Variants in MMP26 observed in about 807,000 individuals in gnomAD.
MMP26 encodes matrix metalloproteinase-26.
In MMP26, 33 loss-of-function variants were observed where a neutral mutation model predicts 31.0. The observed-to-expected ratio is 1.06, with a 90% CI of 0.81 to 1.42. MMP26 has a LOEUF of 1.42. MMP26 is among the 40% of genes most tolerant of loss of function. The pLI is 0.00. For synonymous variants in MMP26, 122 were observed against 114.9 expected, an observed-to-expected ratio of 1.06 and a Z score of -0.40; for missense variants, 347 against 316.1, an observed-to-expected ratio of 1.10 and a Z score of -0.74.
intron 2 of MMP26, among the ~76,000 whole-genome samples, chr11:4,839,833 T>C (rs1271199187): frequency 2.0e-5 from 3 of 151,772 alleles, no homozygotes; most frequent in African/African-American, 7.3e-5. Context: ...TCTTGCACCG[T>C]AGGTACCAGC....
chr11:4,919,568 C>G (rs1851151179), intron 2 of MMP26, among the ~76,000 whole-genome samples: 1 of 152,092 alleles, frequency 6.6e-6, no homozygotes, highest in Non-Finnish European at 1.5e-5. Context: ...TGCCATGTAC[C>G]AGCCACTGGT....
At chr11:4,848,372 G>A in intron 2 of MMP26, 1 of 1,614,090 alleles carries the variant, frequency 6.2e-7, no homozygotes, top group Non-Finnish European at 8.5e-7. Context: ...GAAGAGTATG[G>A]GTATGCTGAG....
At chr11:4,915,224 C>T (rs757898693) in intron 2 of MMP26, 1 of 1,613,808 alleles carries the variant, frequency 6.2e-7, no homozygotes, top group South Asian at 1.1e-5. Flanking sequence ...GCCAATCCTG[C>T]CAATGACTGT....
At chr11:4,787,004 T>C (rs918337224) in intron 2 of MMP26, 2 of 153,040 alleles carry the variant, frequency 1.3e-5, no homozygotes, top group East Asian at 1.9e-4. Context: ...CCCACGACCC[T>C]CAGTGTCCTC....
intron 2 of MMP26, among the ~76,000 whole-genome samples, chr11:4,874,565 G>GGTGTATGT (rs1554888276): frequency 1.3e-5 from 2 of 149,052 alleles, no homozygotes; most frequent in Non-Finnish European, 3.0e-5. Context: ...GTGGTGTGTT[G>GGTGTATGT]GTGTGTGTGT....
intron 2 of MMP26, among the ~76,000 whole-genome samples, chr11:4,903,384 C>G (rs1002016349): frequency 6.6e-6 from 1 of 152,046 alleles, no homozygotes; most frequent in African/African-American, 2.4e-5. Flanking sequence ...ATATTTGATA[C>G]TTATAGATTA....
chr11:4,753,480 ATGAGAATAAGGGGGTATTT>A (rs1564901535), intron 1 of MMP26, among the ~76,000 whole-genome samples: 1 of 152,136 alleles, frequency 6.6e-6, no homozygotes, highest in African/African-American at 2.4e-5. Flanking sequence ...CAACTGGATT[ATGAGAATAAGGGGGTATTT>A]TGGACTAATC....
intron 2 of MMP26, among the ~76,000 whole-genome samples, chr11:4,969,490 A>C (rs1370437327): frequency 6.6e-6 from 1 of 152,046 alleles, no homozygotes; most frequent in Non-Finnish European, 1.5e-5. Context: ...CCATTATCTC[A>C]TATCTCAAGT....
chr11:4,819,566 A>ATTTTTTTTTT lies in MMP26; in HGVS notation c.-145+52246_-145+52255dup, dbSNP rs71050433. 3.9e-3 allele frequency among the ~76,000 whole-genome samples: 197 copies of ATTTTTTTTTT among 50,302 alleles called. 21 individuals are homozygous for ATTTTTTTTTT. Among genetic ancestry groups the ATTTTTTTTTT allele is most frequent in the Non-Finnish European group, 5.2e-3 (157 of 30,264 alleles). 33.0% of individuals were successfully genotyped at this position (50,302 alleles called of 152,430 possible). A position where few individuals can be genotyped will look rare whatever the true frequency, so the allele number is the denominator to read the frequency against. The stretch of plus-strand genomic sequence containing the variant: ...GATGGTCACTGAAATGAGTCGACTG[A>ATTTTTTTTTT]TTTTTTTTTTTTTTTTTTTTTTTTT... On this transcript the variant is annotated intron_variant, in intron 2 of 7. Transcript: ENST00000380390.
chr11:4,913,450 C>G, intron 2 of MMP26: 1 of 152,170 alleles, frequency 6.6e-6, no homozygotes, highest in African/African-American at 2.4e-5. Flanking sequence ...TTCGAAGCTC[C>G]CCTTGGCAAT....
intron 1 of MMP26, among the ~76,000 whole-genome samples, chr11:4,706,657 A>AAT (rs1847785040): frequency 6.6e-6 from 1 of 152,038 alleles, no homozygotes; most frequent in African/African-American, 2.4e-5. Flanking sequence ...TCTAACTTTT[A>AAT]ATAGCACAAT....
chr11:4,874,527 A>T (rs1357796946), intron 2 of MMP26, among the ~76,000 whole-genome samples: 1 of 151,408 alleles, frequency 6.6e-6, no homozygotes, highest in Non-Finnish European at 1.5e-5. Flanking sequence ...CTTAATTTTT[A>T]TGCAGAACTT....
chr11:4,761,041 C>T (rs540904812), intron 1 of MMP26, among the ~76,000 whole-genome samples: 20 of 152,198 alleles, frequency 1.3e-4, no homozygotes, highest in African/African-American at 4.8e-4. Context: ...GTGAACAAAA[C>T]AGTGGAGGGT....
intron 2 of MMP26, among the ~76,000 whole-genome samples, chr11:4,780,507 T>C (rs1224466420): frequency 1.3e-5 from 2 of 152,208 alleles, no homozygotes; most frequent in African/African-American, 4.8e-5. Context: ...TCTGTTTTTT[T>C]CTCAAGATTA....
At chr11:4,752,382 C>T (rs1013815055) in intron 1 of MMP26, 4 of 152,552 alleles carry the variant, frequency 2.6e-5, no homozygotes, top group Admixed American at 6.5e-5. Context: ...TGCACTTAAT[C>T]GTAGTGCACT....
intron 1 of MMP26, among the ~76,000 whole-genome samples, chr11:4,726,410 C>T (rs1467069258): frequency 6.6e-6 from 1 of 151,614 alleles, no homozygotes; most frequent in Non-Finnish European, 1.5e-5. Context: ...TGAAATGAGC[C>T]GAGATCACGC....
intron 2 of MMP26, among the ~76,000 whole-genome samples, chr11:4,974,849 C>T (rs1168815851): frequency 6.6e-6 from 1 of 152,036 alleles, no homozygotes; most frequent in African/African-American, 2.4e-5. Context: ...CAAACTGACA[C>T]AGGAACAGAA....
rs572004193 is a variant in MMP26 at position 4,803,555 on chromosome 11, G to A, written c.-145+36214G>A. 57 of 1,614,030 alleles carry A rather than the reference G, an allele frequency of 3.5e-5. No homozygotes were observed. The highest frequency in any genetic ancestry group is 3.3e-4 in the Middle Eastern group (2 of 6,062). On this transcript the variant is annotated intron_variant, in intron 2 of 7. Transcript: ENST00000380390. ...AGATAGAGATTAGCAAACAGGATGTGTACAACTCGGGGCACATCATGGCCA... is the reference window on the plus strand; with the variant it reads ...AGATAGAGATTAGCAAACAGGATGTATACAACTCGGGGCACATCATGGCCA...
intron 2 of MMP26, among the ~76,000 whole-genome samples, chr11:4,770,979 A>G (rs1848708592): frequency 6.6e-6 from 1 of 152,202 alleles, no homozygotes; most frequent in Non-Finnish European, 1.5e-5. Flanking sequence ...TCCCAGAAAA[A>G]ACAGTGGAAA....
Sources: gnomAD v4.1 joint callset for allele counts (sites outside exome capture counted in the v4.1 genomes callset) on GRCh38, gnomAD v4.1.1 for gene constraint, MANE v1.5 for transcripts, NCBI Gene and HGNC (gene_info 2026-07-23, HGNC 2026-07-21) for gene names.